The following SENP8 variants were observed in gnomAD, a reference collection of about 807,000 sequenced individuals.
SENP8 encodes sentrin-specific protease 8.
A neutral mutation model predicts 14.4 loss-of-function variants in SENP8; 10 were observed. The observed-to-expected ratio is 0.69, with a 90% confidence interval of 0.43 to 1.18. The LOEUF is 1.18. SENP8 is among the 50% of genes most tolerant of loss of function. The probability of loss-of-function intolerance (pLI) is 0.00; values close to 1 mark genes in which losing one functional copy is unlikely to be tolerated. For missense variants in SENP8, 202 were observed against 249.4 expected (o/e 0.81, Z 1.28); for synonymous variants, 94 against 95.5 (o/e 0.98, Z 0.09).
rs139807982 is a variant in SENP8 at position 72,121,235 on chromosome 15, C to T, written c.-48+2771C>T. Among the ~76,000 whole-genome samples the T allele has an allele frequency of 2.6e-5, 4 of 152,134 alleles. No individual in the cohort carries two copies. In the East Asian group the frequency reaches 7.7e-4, roughly 29 times the overall value. ...ATAAATCAGGAAAGGTAGATTGGGG[C>T]TATTTTTGTGGAAATCATTGAATGC... On this transcript the variant is annotated intron_variant, in intron 1 of 1. Coordinates refer to ENST00000340912, the MANE Select transcript of SENP8 (RefSeq NM_145204.4).
At chr15:72,125,497 T>A (rs1294531225) in intron 1 of SENP8, among the ~76,000 whole-genome samples, 2 of 152,116 alleles carry the variant, frequency 1.3e-5, no homozygotes, top group Non-Finnish European at 2.9e-5. Flanking sequence ...ATCTAAAATA[T>A]AATTTGATGT....
At chr15:72,137,377 C>G (rs1410608548) in intron 1 of SENP8, among the ~76,000 whole-genome samples, 1 of 152,116 alleles carries the variant, frequency 6.6e-6, no homozygotes, top group Non-Finnish European at 1.5e-5. Context: ...AAAACTAGGA[C>G]TAGACCCAGG....
chr15:72,117,385 G>C (rs895626364), upstream of SENP8, among the ~76,000 whole-genome samples: 1 of 152,202 alleles, frequency 6.6e-6, no homozygotes, highest in Non-Finnish European at 1.5e-5. Context: ...GCTCCATTAA[G>C]AGTCCTAAGG....
rs1480634823 is a variant in SENP8, at chr15:72,142,174, A to G, written c.*1912A>G. 4 of 152,184 alleles carry G rather than the reference A, an allele frequency of 2.6e-5. No homozygotes were observed. The highest frequency in any genetic ancestry group is 7.2e-5 in the African/African-American group (3 of 41,450). 9.4% of individuals were successfully genotyped at this position (152,184 alleles called of 1,614,324 possible). On this transcript the variant is annotated 3_prime_UTR_variant, in exon 2 of 2. Transcript: ENST00000340912. ...TATATATACACACGTATAGACATGT[A>G]TATGTAATCTATCTACATATATATA... is the stretch of plus-strand genomic sequence containing the variant.
chr15:72,126,916 G>T (rs2081226160), intron 1 of SENP8, among the ~76,000 whole-genome samples: 1 of 152,092 alleles, frequency 6.6e-6, no homozygotes, highest in Admixed American at 6.6e-5. Flanking sequence ...TCAAGGTTCT[G>T]CACCTTTCTC....
intron 1 of SENP8, among the ~76,000 whole-genome samples, chr15:72,133,147 G>A (rs1047406093): frequency 6.6e-6 from 1 of 152,134 alleles, no homozygotes; most frequent in African/African-American, 2.4e-5. Flanking sequence ...CCCCAGCCTG[G>A]GCGACAGAGT....
Position 72,143,630 on chromosome 15 carries a change from T to C in SENP8, c.*3368T>C, listed in dbSNP as rs920661193. On this transcript the variant is annotated 3_prime_UTR_variant, in exon 2 of 2. Coordinates refer to ENST00000340912, the MANE Select transcript of SENP8 (RefSeq NM_145204.4). ...AAATATATAATCTCATTAATTCTTA[T>C]GTTCTCATGTTTCAACAGGTACTGT... is the stretch of plus-strand genomic sequence containing the variant. 5.9e-5 allele frequency: 9 copies of C among 152,316 alleles called. No individual in the cohort carries two copies. The highest frequency in any genetic ancestry group is 2.2e-4 in the African/African-American group (9 of 41,564). The allele number at this position is 152,316 out of a possible 1,614,324, so 9.4% of individuals were successfully genotyped here.
In SENP8 at chr15:72,141,060, T is replaced by C. The variant is rs1027378276; in HGVS notation, c.*798T>C. On this transcript the variant is annotated 3_prime_UTR_variant, in exon 2 of 2. Coordinates refer to ENST00000340912, the MANE Select transcript of SENP8 (RefSeq NM_145204.4). ...ATTAGCCATGCACACACTTCCTCCT[T>C]ATATCCAAAGTTCTTTGGTTCTAAA... 1 of 163,950 alleles carries C rather than the reference T, an allele frequency of 6.1e-6. No individual in the cohort carries two copies. The highest frequency in any genetic ancestry group is 1.5e-5 in the Non-Finnish European group (1 of 68,104). 10.2% of individuals were successfully genotyped at this position (163,950 alleles called of 1,614,324 possible).
chr15:72,130,827 T>A (rs1485306733), intron 1 of SENP8, among the ~76,000 whole-genome samples: 1 of 152,178 alleles, frequency 6.6e-6, no homozygotes, highest in Non-Finnish European at 1.5e-5. Flanking sequence ...CCTCCCAAAG[T>A]GCTGGGATTA....
chr15:72,125,429 TTAAC>T (rs1287838124), intron 1 of SENP8, among the ~76,000 whole-genome samples: 1 of 152,158 alleles, frequency 6.6e-6, no homozygotes, highest in African/African-American at 2.4e-5. Flanking sequence ...TGTAAGTGTA[TTAAC>T]TAATATTTTC....
rs150184903 is a variant in SENP8 at position 72,140,091 on chromosome 15, C to G, written c.468C>G (p.Ala156=). The G allele has an allele frequency of 1.7e-4, 269 of 1,614,128 alleles. No homozygotes were observed. In the African/African-American group the frequency reaches 3.3e-3, roughly 20 times the overall value. The change falls in exon 2 of 2, where the codon GCC becomes GCG. Residue 156 remains alanine, a synonymous_variant. Coordinates refer to ENST00000340912, the MANE Select transcript of SENP8 (RefSeq NM_145204.4). ...KLAFVEEKAP[A]QQNSYDCGMY... ...CCTTTGTGGAAGAGAAAGCCCCTGCCCAACAAAACAGCTATGACTGTGGGA... is the reference window on the plus strand; with the variant it reads ...CCTTTGTGGAAGAGAAAGCCCCTGCGCAACAAAACAGCTATGACTGTGGGA...
intron 1 of SENP8, among the ~76,000 whole-genome samples, chr15:72,138,082 T>C (rs968778894): frequency 5.9e-5 from 9 of 152,224 alleles, no homozygotes; most frequent in African/African-American, 2.2e-4. Flanking sequence ...TAATTTGTTG[T>C]CATTATGCAT....
At position 72,139,565 on chromosome 15, in the gene SENP8, A is replaced by G. The variant is rs2081359935; in HGVS notation, c.-47-12A>G. The G allele has an allele frequency of 2.6e-6, 4 of 1,551,548 alleles. No individual in the cohort carries two copies. The highest frequency in any genetic ancestry group is 3.5e-6 in the Non-Finnish European group (4 of 1,150,178). ...CAGTCAGGTATTTATTGACAATAATATTGTCTTCTAGCTCTTGTTCAGCTT... is the reference window on the plus strand; with the variant it reads ...CAGTCAGGTATTTATTGACAATAATGTTGTCTTCTAGCTCTTGTTCAGCTT... On this transcript the variant is annotated splice_polypyrimidine_tract_variant and intron_variant, in intron 1 of 1. Transcript: ENST00000340912.
In SENP8 at chr15:72,130,397, C is replaced by T. The variant is rs917789438; in HGVS notation, c.-47-9180C>T. 3.3e-5 allele frequency among the ~76,000 whole-genome samples: 5 copies of T among 152,156 alleles called. 1 individual carries two copies. The highest frequency in any genetic ancestry group is 7.3e-5 in the Non-Finnish European group (5 of 68,042). On this transcript the variant is annotated intron_variant, in intron 1 of 1. Coordinates refer to ENST00000340912, the MANE Select transcript of SENP8 (RefSeq NM_145204.4). ...TAAATATTTTAGACTTTGCAGACTA[C>T]TCTGTCCTTAGAGGTCAAAAGTAGC... is the stretch of plus-strand genomic sequence containing the variant.
upstream of SENP8, chr15:72,118,399 A>G (rs964720596): frequency 4.4e-5 from 7 of 157,696 alleles, no homozygotes; most frequent in Non-Finnish European, 8.3e-5. Context: ...TTGCGACCGT[A>G]GCTGTCGCTT....
At chr15:72,120,032 G>A (rs558440461) in intron 1 of SENP8, among the ~76,000 whole-genome samples, 2 of 152,286 alleles carry the variant, frequency 1.3e-5, no homozygotes, top group East Asian at 3.9e-4. Flanking sequence ...AATGATCAGA[G>A]CTAAGCCAAT....
chr15:72,115,279 T>G (rs140505804), upstream of SENP8, among the ~76,000 whole-genome samples: 187 of 152,338 alleles, frequency 1.2e-3, 1 homozygote, highest in African/African-American at 4.3e-3. Flanking sequence ...TCTACTGCTA[T>G]CAACCCAGAA....
intron 1 of SENP8, among the ~76,000 whole-genome samples, chr15:72,136,114 A>G (rs1291092911): frequency 6.6e-6 from 1 of 152,230 alleles, no homozygotes; most frequent in Non-Finnish European, 1.5e-5. Flanking sequence ...ATTTGCCATA[A>G]GGCTAGATAG....
chr15:72,143,644 A>G lies in SENP8; in HGVS notation c.*3382A>G, dbSNP rs558685090. 6.6e-6 allele frequency: 1 copy of G among 152,300 alleles called. No individual in the cohort carries two copies. The highest frequency in any genetic ancestry group is 2.1e-4 in the South Asian group (1 of 4,826). The allele number at this position is 152,300 out of a possible 1,614,324, so 9.4% of individuals were successfully genotyped here. ...ATTAATTCTTATGTTCTCATGTTTCAACAGGTACTGTTATTCTCATTTTAT... is the reference window on the plus strand; with the variant it reads ...ATTAATTCTTATGTTCTCATGTTTCGACAGGTACTGTTATTCTCATTTTAT... On this transcript the variant is annotated 3_prime_UTR_variant, in exon 2 of 2. Transcript: ENST00000340912.
Sources: allele counts gnomAD v4.1 joint callset (sites outside exome capture counted in the v4.1 genomes callset), GRCh38; gene constraint gnomAD v4.1.1; transcripts MANE v1.5; gene names NCBI Gene and HGNC (gene_info 2026-07-23, HGNC 2026-07-21).